Variants in WTAP observed in about 807,000 individuals in gnomAD.
The protein encoded by WTAP is WT1 associated protein.
Under a neutral mutation model 50.0 loss-of-function variants are expected in WTAP, and 8 were observed. That is an observed-to-expected ratio of 0.16 (90% CI 0.09 to 0.29). The LOEUF (loss-of-function observed/expected upper bound fraction) is 0.29. Ranked by LOEUF, WTAP falls within the 10% of genes least tolerant of loss-of-function variation. The probability of loss-of-function intolerance (pLI) is 1.00; values close to 1 mark genes in which losing one functional copy is unlikely to be tolerated. For missense variants in WTAP, 295 were observed against 470.7 expected (o/e 0.63, Z 3.45); for synonymous variants, 194 against 169.0 (o/e 1.15, Z -1.15).
At chr6:159,754,289 C>G (rs1281963307) in intron 7 of WTAP, among the ~76,000 whole-genome samples, 2 of 152,174 alleles carry the variant, frequency 1.3e-5, no homozygotes, top group Non-Finnish European at 2.9e-5. Context: ...TTTCCTGTGA[C>G]TTTTGTCCTT....
intron 6 of WTAP, chr6:159,749,518 C>T: frequency 1.2e-6 from 1 of 854,980 alleles, no homozygotes; most frequent in Non-Finnish European, 1.4e-6. Context: ...CTGTTGAGAG[C>T]AGATTCATTT....
At chr6:159,747,044 C>T (rs1261848460) in intron 5 of WTAP, among the ~76,000 whole-genome samples, 4 of 152,144 alleles carry the variant, frequency 2.6e-5, no homozygotes, top group African/African-American at 9.7e-5. Flanking sequence ...GATTTTTGCT[C>T]AGTGAAACAA....
At chr6:159,736,327 T>G in intron 2 of WTAP, 32 bp downstream of exon 2, 2 of 1,576,556 alleles carry the variant, frequency 1.3e-6, no homozygotes, top group Middle Eastern at 1.7e-4. Context: ...TTTTTTGTTT[T>G]GTTTTGGGTT....
At chr6:159,747,508 T>TTTATAA (rs1779642781) in intron 5 of WTAP, among the ~76,000 whole-genome samples, 4 of 152,232 alleles carry the variant, frequency 2.6e-5, no homozygotes, top group African/African-American at 4.8e-5. Flanking sequence ...TATTTTGGCT[T>TTTATAA]AAGGTCCTAT....
At chr6:159,747,888 T>C (rs74298100) in intron 5 of WTAP, among the ~76,000 whole-genome samples, 1 of 151,512 alleles carries the variant, frequency 6.6e-6, no homozygotes, top group African/African-American at 2.4e-5. Context: ...GTGAGTAACC[T>C]TAAATAGTTA....
chr6:159,728,648 C>T (rs1054395169), intron 1 of WTAP, among the ~76,000 whole-genome samples: 15 of 152,016 alleles, frequency 9.9e-5, no homozygotes, highest in African/African-American at 3.4e-4. Context: ...CATTTAAAAC[C>T]GTAATTTAAA....
upstream of WTAP, chr6:159,726,868 A>C: frequency 7.8e-7 from 1 of 1,289,224 alleles, no homozygotes; most frequent in Non-Finnish European, 1.0e-6. Context: ...GCTTCTGCTA[A>C]GAGTAAACGC....
At chr6:159,750,467 G>A (rs1779777874) in intron 6 of WTAP, among the ~76,000 whole-genome samples, 1 of 152,208 alleles carries the variant, frequency 6.6e-6, no homozygotes, top group South Asian at 2.1e-4. Flanking sequence ...ACTCCCGGAT[G>A]TGACCTTGAC....
chr6:159,727,047 C>A (rs1778210423), upstream of WTAP: 2 of 1,220,286 alleles, frequency 1.6e-6, no homozygotes, highest in Non-Finnish European at 1.0e-6. Context: ...CCGGCGAGTA[C>A]TTCCACCTTC....
chr6:159,734,811 T>G (rs1778804769), intron 1 of WTAP, among the ~76,000 whole-genome samples: 1 of 148,490 alleles, frequency 6.7e-6, no homozygotes, highest in East Asian at 1.9e-4. Context: ...ATATAAAGAT[T>G]TTATGTTTGT....
chr6:159,749,193 T>C, intron 6 of WTAP: 57 of 985,876 alleles, frequency 5.8e-5, no homozygotes, highest in Non-Finnish European at 6.6e-5. Context: ...TGAAACTGTT[T>C]GAAGCATTAT....
At position 159,727,642 on chromosome 6, in the gene WTAP, G is replaced by GGCAAGCAGC; in HGVS notation, c.-67_-59dup. 4 of 986,048 alleles carry GGCAAGCAGC rather than the reference G, an allele frequency of 4.1e-6. No individual in the cohort carries two copies. The highest frequency in any genetic ancestry group is 4.8e-6 in the Non-Finnish European group (4 of 830,624). 61.1% of individuals were successfully genotyped at this position (986,048 alleles called of 1,614,324 possible). A position where few individuals can be genotyped will look rare whatever the true frequency, so the allele number is the denominator to read the frequency against. On this transcript the variant is annotated 5_prime_UTR_variant, in exon 1 of 8. Coordinates refer to ENST00000621533, the MANE Select transcript of WTAP (RefSeq NM_001270531.2). The stretch of plus-strand genomic sequence containing the variant: ...GTGGCCCGGGGGGCCCGGGCGGCAG[G>GGCAAGCAGC]GCAAGCAGCGCGGCCTCGGCCTATG...
Position 159,755,716 on chromosome 6 carries a change from C to T in WTAP, c.*105C>T, listed in dbSNP as rs1376996442. The T allele has an allele frequency of 7.2e-5, 78 of 1,079,580 alleles. No individual in the cohort carries two copies. Among genetic ancestry groups the T allele is most frequent in the African/African-American group, 4.1e-4 (19 of 46,222 alleles). 66.9% of individuals were successfully genotyped at this position (1,079,580 alleles called of 1,614,324 possible). A position where few individuals can be genotyped will look rare whatever the true frequency, so the allele number is the denominator to read the frequency against. Reference sequence around the variant, plus strand: ...CACAATTTGCCTTTTTGTGGGTGTACGTTTTGGTTTTTTTTTGTTGTTTTT... The same window carrying T: ...CACAATTTGCCTTTTTGTGGGTGTATGTTTTGGTTTTTTTTTGTTGTTTTT... On this transcript the variant is annotated 3_prime_UTR_variant, in exon 8 of 8. Transcript: ENST00000621533.
At chr6:159,744,379 G>T (rs1303671571) in intron 5 of WTAP, among the ~76,000 whole-genome samples, 1 of 152,110 alleles carries the variant, frequency 6.6e-6, no homozygotes, top group Non-Finnish European at 1.5e-5. Context: ...CTGTATCCTT[G>T]TTTCTGATTT....
chr6:159,752,200 GA>G (rs1388860292), intron 6 of WTAP, among the ~76,000 whole-genome samples: 1 of 152,118 alleles, frequency 6.6e-6, no homozygotes, highest in Admixed American at 6.5e-5. Context: ...AGCCTCACTA[GA>G]AGAAGGAAAG....
chr6:159,741,692 T>C (rs930496215), intron 3 of WTAP: 1 of 169,104 alleles, frequency 5.9e-6, no homozygotes, highest in South Asian at 1.3e-4. Context: ...TTATGATCAG[T>C]TAAACTAGAT....
chr6:159,740,422 G>A (rs577790203), intron 3 of WTAP, among the ~76,000 whole-genome samples: 39 of 152,136 alleles, frequency 2.6e-4, no homozygotes, highest in Non-Finnish European at 5.1e-4. Flanking sequence ...TTCCCTTGGA[G>A]ATTTTAAACC....
At chr6:159,753,410 G>C in intron 6 of WTAP, 50 bp from the exon 7 acceptor site, 1 of 1,612,864 alleles carries the variant, frequency 6.2e-7, no homozygotes, top group Non-Finnish European at 8.5e-7. Context: ...TGTAAGCAAA[G>C]ACAGAGAGTT....
intron 2 of WTAP, among the ~76,000 whole-genome samples, chr6:159,737,058 C>T (rs1280014185): frequency 6.6e-6 from 1 of 152,280 alleles, no homozygotes; most frequent in East Asian, 1.9e-4. Context: ...CTTTGATTTT[C>T]CTCCCTTGGA....
Sources: allele counts gnomAD v4.1 joint callset (sites outside exome capture counted in the v4.1 genomes callset), GRCh38; gene constraint gnomAD v4.1.1; transcripts MANE v1.5; gene names NCBI Gene and HGNC (gene_info 2026-07-23, HGNC 2026-07-21).